The following CSGALNACT2 variants were observed in gnomAD, a reference collection of about 807,000 sequenced individuals.
The protein encoded by CSGALNACT2 is beta 4 GalNAcT-2.
CSGALNACT2 carries 35 observed loss-of-function variants against 55.3 expected under a neutral mutation model. The observed-to-expected ratio is 0.63, with a 90% CI of 0.48 to 0.84. The LOEUF (loss-of-function observed/expected upper bound fraction) is 0.84. Ranked by LOEUF, CSGALNACT2 falls within the 40% of genes least tolerant of loss-of-function variation. The probability of loss-of-function intolerance (pLI) is 0.00; values close to 1 mark genes in which losing one functional copy is unlikely to be tolerated. For synonymous variants in CSGALNACT2, 196 were observed against 224.9 expected, an observed-to-expected ratio of 0.87 and a Z score of 1.15; for missense variants, 544 against 657.5, an observed-to-expected ratio of 0.83 and a Z score of 1.89.
At chr10:43,139,098 T>C (rs1029795957) in intron 1 of CSGALNACT2, among the ~76,000 whole-genome samples, 1 of 152,178 alleles carries the variant, frequency 6.6e-6, no homozygotes, top group Admixed American at 6.5e-5. Flanking sequence ...GGCGGTATGA[T>C]AGTTTGATTA....
chr10:43,160,872 T>C (rs181381306), intron 4 of CSGALNACT2, among the ~76,000 whole-genome samples: 25 of 152,262 alleles, frequency 1.6e-4, no homozygotes, highest in African/African-American at 5.3e-4. Context: ...AAAATCTAAT[T>C]CCTTCACTTT....
intron 4 of CSGALNACT2, chr10:43,162,930 A>G: frequency 9.1e-6 from 9 of 985,314 alleles, no homozygotes; most frequent in South Asian, 9.4e-5. Context: ...ATACTGACCA[A>G]TTTCTTTAAC....
At chr10:43,173,162 T>C (rs1031371264) in intron 6 of CSGALNACT2, among the ~76,000 whole-genome samples, 1 of 152,196 alleles carries the variant, frequency 6.6e-6, no homozygotes, top group African/African-American at 2.4e-5. Context: ...CAGTGTATTA[T>C]AATTACGGAG....
chr10:43,162,948 G>A (rs1174015225), intron 4 of CSGALNACT2: 2 of 985,320 alleles, frequency 2.0e-6, no homozygotes, highest in South Asian at 4.7e-5. Flanking sequence ...AACCTTGCAT[G>A]GGAGGTACTC....
rs143788998 is a variant in CSGALNACT2, at chr10:43,150,329, C to T, written c.-253-4568C>T. Among the ~76,000 whole-genome samples the T allele has an allele frequency of 1.3e-3, 197 of 152,276 alleles. 1 individual carries two copies. The highest frequency in any genetic ancestry group is 2.5e-3 in the Non-Finnish European group (173 of 68,016). On this transcript the variant is annotated intron_variant, in intron 1 of 7. Coordinates refer to ENST00000374466, the MANE Select transcript of CSGALNACT2 (RefSeq NM_018590.5). ...AAATCTTAGTTACCAATGTCGTTAACATTAATGATGTTTTTCATTGCTTTG... is the reference window on the plus strand; with the variant it reads ...AAATCTTAGTTACCAATGTCGTTAATATTAATGATGTTTTTCATTGCTTTG...
At chr10:43,175,639 T>TAA (rs1007162276) in intron 6 of CSGALNACT2, among the ~76,000 whole-genome samples, 8 of 152,368 alleles carry the variant, frequency 5.3e-5, no homozygotes, top group African/African-American at 1.9e-4. Flanking sequence ...AGGCACCAGA[T>TAA]AAAGTCTACT....
rs1441230132 is a variant in CSGALNACT2, at chr10:43,184,545, A to G, written c.*1003A>G. On this transcript the variant is annotated 3_prime_UTR_variant, in exon 8 of 8. Coordinates refer to ENST00000374466, the MANE Select transcript of CSGALNACT2 (RefSeq NM_018590.5). ...ATACTTTGAGTTGAAAAAGAGTTTC[A>G]TTGTGGAGAGAAAAAGCAAATGGTA... 6.6e-6 allele frequency: 1 copy of G among 152,234 alleles called. No homozygotes were observed. The highest frequency in any genetic ancestry group is 1.5e-5 in the Non-Finnish European group (1 of 68,042). The allele number at this position is 152,234 out of a possible 1,614,324, so 9.4% of individuals were successfully genotyped here.
At position 43,185,043 on chromosome 10, in the gene CSGALNACT2, G is replaced by A. The variant is rs1324716651; in HGVS notation, c.*1501G>A. On this transcript the variant is annotated 3_prime_UTR_variant, in exon 8 of 8. Transcript: ENST00000374466. ...GAAATGTTCTCTGCAAAATAATTCA[G>A]GCCACTGTCTCCTTTTATATATTAT... 6.6e-6 allele frequency: 1 copy of A among 151,792 alleles called. No individual in the cohort carries two copies. The highest frequency in any genetic ancestry group is 1.5e-5 in the Non-Finnish European group (1 of 67,932). The allele number at this position is 151,792 out of a possible 1,614,324, so 9.4% of individuals were successfully genotyped here.
rs973443664 is a variant in CSGALNACT2, at chr10:43,184,026, A to G, written c.*484A>G. 1.5e-4 allele frequency: 23 copies of G among 156,534 alleles called. No homozygotes were observed. Among genetic ancestry groups the G allele is most frequent in the Non-Finnish European group, 8.5e-5 (6 of 70,538 alleles). 9.7% of individuals were successfully genotyped at this position (156,534 alleles called of 1,614,324 possible). A position where few individuals can be genotyped will look rare whatever the true frequency, so the allele number is the denominator to read the frequency against. On this transcript the variant is annotated 3_prime_UTR_variant, in exon 8 of 8. Transcript: ENST00000374466. Reference sequence around the variant, plus strand: ...TTGATAGCTTGAAGAATCCTTTTCCACTGAAATAGAGGATAATTAATTGAC... The same window carrying G: ...TTGATAGCTTGAAGAATCCTTTTCCGCTGAAATAGAGGATAATTAATTGAC...
intron 4 of CSGALNACT2, chr10:43,163,443 G>A (rs1839194447): frequency 1.1e-6 from 1 of 873,374 alleles, no homozygotes. Flanking sequence ...TTCTCAAGTA[G>A]TATTAGGGAG....
rs986735443 is a variant in CSGALNACT2, at chr10:43,160,555, G to A, written c.940G>A (p.Gly314Arg). 6.3e-7 allele frequency: 1 copy of A among 1,595,334 alleles called. No individual in the cohort carries two copies. ...CACAGTGGTGTATTTTGGTAAAGAA[G>A]GACTGTCTAAAGTCAAGTCTATCCT... ...HLTVVYFGKE[G>R]LSKVKSILES... The change falls in exon 4 of 8, where the codon GGA (glycine) becomes AGA (arginine). Residue 314 changes from glycine to arginine, a missense_variant. Gly to Arg is a moderately radical substitution (Grantham distance 125, BLOSUM62 -2). Around this residue, in one of 2 missense-constraint regions of CSGALNACT2, gnomAD observed 374 missense variants for 401.3 expected, o/e 0.93. Coordinates refer to ENST00000374466, the MANE Select transcript of CSGALNACT2 (RefSeq NM_018590.5).
chr10:43,148,630 C>A (rs947532019), intron 1 of CSGALNACT2, among the ~76,000 whole-genome samples: 1 of 151,956 alleles, frequency 6.6e-6, no homozygotes, highest in Non-Finnish European at 1.5e-5. Flanking sequence ...CTATTTTATT[C>A]TTTTTGATGC....
Position 43,171,128 on chromosome 10 carries a change from T to C in CSGALNACT2, c.1254+4030T>C, listed in dbSNP as rs139348094. ...TTAAATAGTAATATAGCAATGATGG[T>C]TCCTTAGTTTTGACAAATGTACCAC... On this transcript the variant is annotated intron_variant, in intron 6 of 7. Transcript: ENST00000374466. Among the ~76,000 whole-genome samples the C allele has an allele frequency of 6.4e-4, 97 of 152,274 alleles. 1 individual carries two copies. Among genetic ancestry groups the C allele is most frequent in the African/African-American group, 1.9e-3 (80 of 41,526 alleles).
chr10:43,175,935 T>C lies in CSGALNACT2; in HGVS notation c.1255-16T>C, dbSNP rs370983026. 0.055 allele frequency: 86,769 copies of C among 1,586,568 alleles called. 2,883 individuals are homozygous for C. Among genetic ancestry groups the C allele is most frequent in the South Asian group, 0.098 (8,396 of 85,904 alleles). ...ATGGAATTAAATTGTTTTCTGTTTT[T>C]TTTTTTTTAACTAAGGTTCACAAAA... On this transcript the variant is annotated splice_polypyrimidine_tract_variant and intron_variant, in intron 6 of 7. Coordinates refer to ENST00000374466, the MANE Select transcript of CSGALNACT2 (RefSeq NM_018590.5).
intron 5 of CSGALNACT2, among the ~76,000 whole-genome samples, chr10:43,165,007 A>G (rs1242750041): frequency 6.6e-6 from 1 of 151,950 alleles, no homozygotes. Flanking sequence ...GCGGATCACG[A>G]GGTCAAGAGA....
intron 5 of CSGALNACT2, among the ~76,000 whole-genome samples, chr10:43,166,150 A>G (rs999513379): frequency 6.6e-6 from 1 of 152,216 alleles, no homozygotes; most frequent in Admixed American, 6.5e-5. Flanking sequence ...TGAAATGCAA[A>G]ATGTGAAAGT....
At chr10:43,156,663 C>A (rs1041522151) in intron 2 of CSGALNACT2, among the ~76,000 whole-genome samples, 1 of 152,226 alleles carries the variant, frequency 6.6e-6, no homozygotes, top group Non-Finnish European at 1.5e-5. Flanking sequence ...GAAACTGTTC[C>A]ACCTCAGATC....
At chr10:43,147,518 A>G (rs1476927942) in intron 1 of CSGALNACT2, among the ~76,000 whole-genome samples, 2 of 152,194 alleles carry the variant, frequency 1.3e-5, no homozygotes, top group Non-Finnish European at 2.9e-5. Flanking sequence ...CATTTATGCT[A>G]TTGAATATCA....
At chr10:43,153,939 A>T (rs530885329) in intron 1 of CSGALNACT2, among the ~76,000 whole-genome samples, 1 of 152,340 alleles carries the variant, frequency 6.6e-6, no homozygotes, top group East Asian at 1.9e-4. Context: ...AAATCTGTTG[A>T]TGCATAATAC....
Sources: gnomAD v4.1 joint callset for allele counts (sites outside exome capture counted in the v4.1 genomes callset) on GRCh38, gnomAD v4.1.1 for gene constraint, gnomAD v4.1.1 regional missense constraint, MANE v1.5 for transcripts, NCBI Gene and HGNC (gene_info 2026-07-23, HGNC 2026-07-21) for gene names.